The following CSMD1 variants were observed in gnomAD, a reference collection of about 807,000 sequenced individuals.
CSMD1 encodes the protein CUB and sushi domain-containing protein 1.
In CSMD1, 213 loss-of-function variants were observed where a neutral mutation model predicts 417.5. The ratio of observed to expected loss-of-function variants is 0.51; its 90% CI spans 0.46 to 0.57. The LOEUF (loss-of-function observed/expected upper bound fraction) is 0.57. Ranked by LOEUF, CSMD1 falls within the 20% of genes least tolerant of loss-of-function variation. CSMD1 has a pLI of 0.00. For synonymous variants in CSMD1, 2,862 were observed against 1,736.8 expected, an observed-to-expected ratio of 1.65 and a Z score of -16.11; for missense variants, 6,923 against 4,529.7, an observed-to-expected ratio of 1.53 and a Z score of -15.17.
intron 5 of CSMD1, among the ~76,000 whole-genome samples, chr8:3,780,686 G>T (rs148766487): frequency 1.6e-3 from 247 of 152,280 alleles, no homozygotes; most frequent in African/African-American, 5.7e-3. Flanking sequence ...TTCAGTTGTC[G>T]GCAGAAAGAG....
At chr8:4,271,311 G>A (rs140684967) in intron 3 of CSMD1, among the ~76,000 whole-genome samples, 3 of 152,240 alleles carry the variant, frequency 2.0e-5, no homozygotes, top group East Asian at 1.9e-4. Flanking sequence ...AACCCACAGA[G>A]GTTGGTGAAA....
chr8:4,914,557 G>A (rs1398349093), intron 1 of CSMD1, among the ~76,000 whole-genome samples: 1 of 144,766 alleles, frequency 6.9e-6, no homozygotes, highest in Non-Finnish European at 1.5e-5. Flanking sequence ...CAGCCTGGGA[G>A]ACAGCGAGAC....
chr8:4,419,903 T>A, intron 3 of CSMD1, 50 bp downstream of exon 3: 1 of 1,190,786 alleles, frequency 8.4e-7, no homozygotes, highest in African/African-American at 1.5e-5. Context: ...TAGCATGTAT[T>A]AGATCATTTG....
At chr8:3,670,895 T>C (rs62651763) in intron 7 of CSMD1, among the ~76,000 whole-genome samples, 3,900 of 97,890 alleles carry the variant, frequency 0.04, 80 homozygotes, top group South Asian at 0.064. Context: ...TATATGTATG[T>C]GATATATATG....
chr8:4,232,559 T>C (rs1801803985), intron 3 of CSMD1, among the ~76,000 whole-genome samples: 1 of 152,122 alleles, frequency 6.6e-6, no homozygotes, highest in South Asian at 2.1e-4. Flanking sequence ...TTTTCTCCAC[T>C]CAAAAATGAG....
chr8:4,141,293 G>T (rs34729161), intron 3 of CSMD1, among the ~76,000 whole-genome samples: 1 of 150,740 alleles, frequency 6.6e-6, no homozygotes, highest in Non-Finnish European at 1.5e-5. Flanking sequence ...TGAAAAATCC[G>T]TAATTCCCAA....
intron 2 of CSMD1, among the ~76,000 whole-genome samples, chr8:4,507,401 A>G (rs1802584650): frequency 6.6e-6 from 1 of 152,178 alleles, no homozygotes; most frequent in South Asian, 2.1e-4. Context: ...ATAGACTCCA[A>G]ATATTTGTTC....
chr8:3,473,733 A>C (rs191663768), intron 11 of CSMD1, among the ~76,000 whole-genome samples: 16 of 152,352 alleles, frequency 1.1e-4, no homozygotes, highest in East Asian at 5.8e-4. Flanking sequence ...GATTCCTAGC[A>C]GGGGTGGTGT....
At chr8:4,759,825 G>C (rs1023943283) in intron 1 of CSMD1, among the ~76,000 whole-genome samples, 7 of 152,134 alleles carry the variant, frequency 4.6e-5, no homozygotes, top group African/African-American at 1.4e-4. Context: ...ATGGACATTT[G>C]GGTTGATTCC....
intron 25 of CSMD1, 168 bp from the exon 26 acceptor site, chr8:3,284,514 T>G (rs551388117): frequency 7.4e-5 from 46 of 619,766 alleles, no homozygotes; most frequent in Non-Finnish European, 1.1e-4. Flanking sequence ...TCACCGAAGA[T>G]AATTCAGGAG....
Position 2,990,438 on chromosome 8 carries a change from G to C in CSMD1, c.8377+7573C>G, listed in dbSNP as rs552675468. ...TTCAGCTCCGGTTGACACATTTCAG[G>C]GTATCCCCTAAACCCATCCCCCATT... On this transcript the variant is annotated intron_variant, in intron 54 of 69. Coordinates refer to ENST00000635120, the MANE Select transcript of CSMD1 (RefSeq NM_033225.6). 5.6e-4 allele frequency among the ~76,000 whole-genome samples: 85 copies of C among 152,232 alleles called. 1 individual carries two copies. The highest frequency in any genetic ancestry group is 2.0e-3 in the African/African-American group (85 of 41,552).
At chr8:3,544,383 T>A (rs751176267) in intron 10 of CSMD1, among the ~76,000 whole-genome samples, 2 of 152,194 alleles carry the variant, frequency 1.3e-5, no homozygotes, top group African/African-American at 4.8e-5. Context: ...TCCCCTGATC[T>A]TTTTTCATCC....
At chr8:3,248,063 C>T (rs1035838324) in intron 26 of CSMD1, among the ~76,000 whole-genome samples, 2 of 152,172 alleles carry the variant, frequency 1.3e-5, no homozygotes, top group African/African-American at 4.8e-5. Context: ...CAAAGTGGCT[C>T]ATGTCTGTAA....
At chr8:4,907,931 C>A (rs1805409063) in intron 1 of CSMD1, among the ~76,000 whole-genome samples, 2 of 152,080 alleles carry the variant, frequency 1.3e-5, no homozygotes, top group Non-Finnish European at 2.9e-5. Context: ...GAGTTAAAAT[C>A]ATTTGATAGA....
chr8:3,241,553 G>C (rs1799524411), intron 26 of CSMD1, among the ~76,000 whole-genome samples: 1 of 152,162 alleles, frequency 6.6e-6, no homozygotes, highest in Non-Finnish European at 1.5e-5. Context: ...GGGGCTCTGG[G>C]AGTGGCTGCC....
At chr8:3,991,837 T>G (rs945629395) in intron 5 of CSMD1, among the ~76,000 whole-genome samples, 6 of 152,172 alleles carry the variant, frequency 3.9e-5, no homozygotes, top group South Asian at 2.1e-4. Context: ...TTTTGGATGG[T>G]TGAATATTTA....
At chr8:3,144,170 A>G (rs1818686948) in intron 40 of CSMD1, among the ~76,000 whole-genome samples, 1 of 152,168 alleles carries the variant, frequency 6.6e-6, no homozygotes, top group Admixed American at 6.5e-5. Context: ...AGGCGAGCAA[A>G]CTAAGGCTCT....
At position 4,357,550 on chromosome 8, in the gene CSMD1, G is replaced by GA. The variant is rs35981216; in HGVS notation, c.415+62402dup. On this transcript the variant is annotated intron_variant, in intron 3 of 69. Coordinates refer to ENST00000635120, the MANE Select transcript of CSMD1 (RefSeq NM_033225.6). ...TAAGTAAGTTGGAAATGCACAGTTG[G>GA]AAAAAAAAAATCTGTCATTCTCCAT... Among the ~76,000 whole-genome samples the GA allele has an allele frequency of 7.8e-4, 117 of 149,280 alleles. 1 individual carries two copies. Among genetic ancestry groups the GA allele is most frequent in the African/African-American group, 1.4e-3 (58 of 40,752 alleles).
At chr8:3,296,560 A>T (rs923384888) in intron 25 of CSMD1, among the ~76,000 whole-genome samples, 6 of 152,120 alleles carry the variant, frequency 3.9e-5, no homozygotes, top group Non-Finnish European at 8.8e-5. Context: ...TGCTCTGTTG[A>T]CAACATGCCA....
Sources: allele counts gnomAD v4.1 joint callset (sites outside exome capture counted in the v4.1 genomes callset), GRCh38; gene constraint gnomAD v4.1.1; transcripts MANE v1.5; gene names NCBI Gene and HGNC (gene_info 2026-07-23, HGNC 2026-07-21).